Variants in CTTN observed in about 807,000 individuals in gnomAD.
The protein encoded by CTTN is cortactin.
CTTN carries 28 observed loss-of-function variants against 84.0 expected under a neutral mutation model. The ratio of observed to expected loss-of-function variants is 0.33; its 90% CI spans 0.25 to 0.46. The LOEUF (loss-of-function observed/expected upper bound fraction) is 0.46. Ranked by LOEUF, CTTN falls within the 20% of genes least tolerant of loss-of-function variation. CTTN has a pLI of 1.00. For missense variants in CTTN, 641 were observed against 723.8 expected (o/e 0.89, Z 1.31); for synonymous variants, 301 against 288.8 (o/e 1.04, Z -0.43).
In CTTN at chr11:70,435,573, TAGGCAGGAAGGACTGTCCCAG is replaced by T. The variant is rs1565503162; in HGVS notation, c.*413_*433del. ...GGCCTCAGGTCGGCCCTGTGGCGGG[TAGGCAGGAAGGACTGTCCCAG>T]ACGAGGGGCTTCCTCTAGAGTCTCA... On this transcript the variant is annotated 3_prime_UTR_variant, in exon 18 of 18. Transcript: ENST00000301843. 1 of 1,553,684 alleles carries T rather than the reference TAGGCAGGAAGGACTGTCCCAG, an allele frequency of 6.4e-7. No individual in the cohort carries two copies. The highest frequency in any genetic ancestry group is 1.9e-5 in the Admixed American group (1 of 53,270).
At chr11:70,404,364 G>A (rs1233338103) in intron 1 of CTTN, among the ~76,000 whole-genome samples, 1 of 152,154 alleles carries the variant, frequency 6.6e-6, no homozygotes, top group Non-Finnish European at 1.5e-5. Flanking sequence ...GTGGTCCTAG[G>A]GAAGGGGTCG....
chr11:70,403,267 C>T (rs1396692370), intron 1 of CTTN, among the ~76,000 whole-genome samples: 1 of 134,656 alleles, frequency 7.4e-6, no homozygotes, highest in African/African-American at 3.0e-5. Context: ...CGGCTCACTA[C>T]AGCCTCTGTC....
intron 1 of CTTN, among the ~76,000 whole-genome samples, chr11:70,399,042 G>A (rs1234155445): frequency 6.8e-6 from 1 of 146,806 alleles, no homozygotes; most frequent in Non-Finnish European, 1.5e-5. Flanking sequence ...CTCCGAGGGG[G>A]AGGGTATTAG....
chr11:70,425,628 C>T (rs1348206747), intron 13 of CTTN, among the ~76,000 whole-genome samples: 1 of 152,176 alleles, frequency 6.6e-6, no homozygotes, highest in Admixed American at 6.5e-5. Context: ...TCAGTGGGGC[C>T]CGTTTCAAGG....
At chr11:70,414,476 C>A in intron 5 of CTTN, 66 bp from the exon 6 acceptor site, 1 of 1,199,020 alleles carries the variant, frequency 8.3e-7, no homozygotes, top group South Asian at 1.3e-5. Context: ...CAGCCCTGCT[C>A]TGGGAGGAAG....
chr11:70,425,485 C>A, intron 13 of CTTN, 84 bp downstream of exon 13: 2 of 952,286 alleles, frequency 2.1e-6, no homozygotes, highest in Non-Finnish European at 3.3e-6. Flanking sequence ...CAGCCAGGAG[C>A]AGATGCACCA....
chr11:70,420,865 G>A (rs530788065), intron 10 of CTTN, among the ~76,000 whole-genome samples: 2 of 152,052 alleles, frequency 1.3e-5, no homozygotes, highest in Non-Finnish European at 1.5e-5. Context: ...GGCCTGCAGC[G>A]GGGGGCTGGG....
In CTTN at chr11:70,436,339, G is replaced by C. The variant is rs1425260659; in HGVS notation, c.*1177G>C. 3.1e-6 allele frequency: 5 copies of C among 1,598,302 alleles called. No homozygotes were observed. Among genetic ancestry groups the C allele is most frequent in the Non-Finnish European group, 4.2e-6 (5 of 1,179,780 alleles). On this transcript the variant is annotated 3_prime_UTR_variant, in exon 18 of 18. Coordinates refer to ENST00000301843, the MANE Select transcript of CTTN (RefSeq NM_005231.4). ...CTGGACCAGTCCCGTCGTGCAGTCA[G>C]GTGGGCGGTGTGTCTTTCCAGAAGG...
At position 70,404,760 on chromosome 11, in the gene CTTN, T is replaced by C. The variant is rs1168036300; in HGVS notation, c.-97-505T>C. On this transcript the variant is annotated intron_variant, in intron 1 of 17. Coordinates refer to ENST00000301843, the MANE Select transcript of CTTN (RefSeq NM_005231.4). ...CCTCACACCTGTAATCCCAGCACTTTGGGAGGCCAAGGCAGGCGGATCACC... is the reference window on the plus strand; with the variant it reads ...CCTCACACCTGTAATCCCAGCACTTCGGGAGGCCAAGGCAGGCGGATCACC... 2.0e-5 allele frequency among the ~76,000 whole-genome samples: 3 copies of C among 152,222 alleles called. No homozygotes were observed. The East Asian group carries it at 5.8e-4, about 29-fold the overall frequency.
At chr11:70,416,806 C>G in intron 7 of CTTN, 1 of 544,490 alleles carries the variant, frequency 1.8e-6, no homozygotes, top group Non-Finnish European at 3.3e-6. Context: ...TAACAGCTGA[C>G]AGGGCCCAGA....
At chr11:70,398,863 G>A (rs1427599405) in intron 1 of CTTN, among the ~76,000 whole-genome samples, 8 of 151,842 alleles carry the variant, frequency 5.3e-5, no homozygotes, top group Admixed American at 5.2e-4. Context: ...CAGGGGGCAA[G>A]GGGGCACGGA....
At chr11:70,400,665 G>T (rs1397640676) in intron 1 of CTTN, among the ~76,000 whole-genome samples, 1 of 152,246 alleles carries the variant, frequency 6.6e-6, no homozygotes, top group Non-Finnish European at 1.5e-5. Context: ...CGGCAATTCA[G>T]ATCTTCAGTC....
chr11:70,398,873 AGGGCTTG>A (rs2057941191), intron 1 of CTTN, among the ~76,000 whole-genome samples: 1 of 139,014 alleles, frequency 7.2e-6, no homozygotes, highest in Non-Finnish European at 1.6e-5. Context: ...GGGGGCACGG[AGGGCTTG>A]GGGCTGGGGT....
chr11:70,416,843 A>T (rs893712633), intron 7 of CTTN, 170 bp from the exon 8 acceptor site: 15 of 595,620 alleles, frequency 2.5e-5, no homozygotes, highest in Non-Finnish European at 4.0e-5. Context: ...GTTGTGAAAC[A>T]GGGTCCAGCG....
intron 5 of CTTN, 89 bp from the exon 6 acceptor site, chr11:70,414,453 A>G: frequency 1.1e-6 from 1 of 931,986 alleles, no homozygotes; most frequent in Non-Finnish European, 1.7e-6. Context: ...ACTGACCAGG[A>G]TGTGGCCTCC....
intron 1 of CTTN, among the ~76,000 whole-genome samples, chr11:70,403,446 G>A (rs770775748): frequency 8.5e-5 from 13 of 152,136 alleles, no homozygotes; most frequent in African/African-American, 2.2e-4. Context: ...CTCGGCCTCC[G>A]AAAGTGCTGG....
chr11:70,435,803 T>C lies in CTTN; in HGVS notation c.*641T>C. 6.4e-7 allele frequency: 1 copy of C among 1,571,668 alleles called. No homozygotes were observed. The highest frequency in any genetic ancestry group is 8.6e-7 in the Non-Finnish European group (1 of 1,167,030). Reference sequence around the variant, plus strand: ...GTGCCCACTCCGGCTTGTCCTCATCTCTACCCATCCCCTGATGCCCAGGTC... The same window carrying C: ...GTGCCCACTCCGGCTTGTCCTCATCCCTACCCATCCCCTGATGCCCAGGTC... On this transcript the variant is annotated 3_prime_UTR_variant, in exon 18 of 18. Coordinates refer to ENST00000301843, the MANE Select transcript of CTTN (RefSeq NM_005231.4).
At chr11:70,408,390 T>A (rs1439562387) in intron 4 of CTTN, 2 of 152,006 alleles carry the variant, frequency 1.3e-5, no homozygotes, top group African/African-American at 4.8e-5. Flanking sequence ...GTTAAAGATT[T>A]ATTTATTTAT....
intron 14 of CTTN, among the ~76,000 whole-genome samples, chr11:70,430,286 CGTCTGGCA>C (rs1415282503): frequency 1.3e-5 from 2 of 152,216 alleles, no homozygotes; most frequent in Non-Finnish European, 2.9e-5. Flanking sequence ...TCAGACTCAG[CGTCTGGCA>C]CTGGAGCCCA....
Sources: gnomAD v4.1 joint callset for allele counts (sites outside exome capture counted in the v4.1 genomes callset) on GRCh38, gnomAD v4.1.1 for gene constraint, MANE v1.5 for transcripts, NCBI Gene and HGNC (gene_info 2026-07-23, HGNC 2026-07-21) for gene names.